Variants in GRK3 observed in about 807,000 individuals in gnomAD.
The protein encoded by GRK3 is adrenergic, beta, receptor kinase 2.
In GRK3, 54 loss-of-function variants were observed where a neutral mutation model predicts 95.7. That is an observed-to-expected ratio of 0.56 (90% CI 0.45 to 0.71). GRK3 has a LOEUF of 0.71. Among genes scored for constraint, GRK3 ranks in the 30% least tolerant of loss-of-function variants. The pLI, the probability that GRK3 is intolerant of heterozygous loss-of-function variation, is 0.00. For synonymous variants in GRK3, 281 were observed against 290.8 expected, an observed-to-expected ratio of 0.97 and a Z score of 0.34; for missense variants, 649 against 851.2, an observed-to-expected ratio of 0.76 and a Z score of 2.96.
At chr22:25,587,489 C>T (rs139957622) in intron 1 of GRK3, among the ~76,000 whole-genome samples, 3,654 of 152,140 alleles carry the variant, frequency 0.024, 152 homozygotes, top group African/African-American at 0.082. Flanking sequence ...AGTGCAGTGG[C>T]GCGATCTTGG....
chr22:25,685,293 A>G (rs1387239687), intron 10 of GRK3, 45 bp downstream of exon 10: 2 of 1,424,498 alleles, frequency 1.4e-6, no homozygotes, highest in Admixed American at 1.7e-5. Flanking sequence ...AGACTTTGCC[A>G]TGATGTTAAA....
Position 25,665,921 on chromosome 22 carries a change from G to C in GRK3, c.442-1818G>C, listed in dbSNP as rs569789986. ...GGTGGCGGGCTTGGGAGGGGCCCTA[G>C]CTTGTGCTTGAGTGCTTCTAAAATG... is the stretch of plus-strand genomic sequence containing the variant. On this transcript the variant is annotated intron_variant, in intron 5 of 20. Transcript: ENST00000324198. Among the ~76,000 whole-genome samples, 4 of 152,308 alleles carry C rather than the reference G, an allele frequency of 2.6e-5. No individual in the cohort carries two copies. The South Asian group carries it at 8.3e-4, about 32-fold the overall frequency.
intron 1 of GRK3, among the ~76,000 whole-genome samples, chr22:25,570,283 T>C (rs1380079555): frequency 6.6e-6 from 1 of 152,184 alleles, no homozygotes; most frequent in Non-Finnish European, 1.5e-5. Context: ...CTGGTGTTAA[T>C]GAGAAATTGT....
At chr22:25,685,078 A>G (rs1376397033) in intron 9 of GRK3, 92 bp from the exon 10 acceptor site, 2 of 822,450 alleles carry the variant, frequency 2.4e-6, no homozygotes, top group East Asian at 2.5e-5. Context: ...AAAATAAAGT[A>G]ATTTTAAAAA....
At chr22:25,595,849 A>G (rs186630228) in intron 1 of GRK3, among the ~76,000 whole-genome samples, 64 of 152,206 alleles carry the variant, frequency 4.2e-4, no homozygotes, top group African/African-American at 1.4e-3. Context: ...CAGGAGGCTG[A>G]GGTGGGAGGA....
chr22:25,650,298 C>T (rs1422613724), intron 3 of GRK3, among the ~76,000 whole-genome samples: 1 of 152,138 alleles, frequency 6.6e-6, no homozygotes, highest in Admixed American at 6.5e-5. Context: ...GCCTTGGCCT[C>T]CCAAAGGCAT....
chr22:25,612,048 G>A (rs760631274), intron 2 of GRK3, among the ~76,000 whole-genome samples: 3 of 151,956 alleles, frequency 2.0e-5, no homozygotes, highest in Non-Finnish European at 4.4e-5. Context: ...GCCCAGGCTG[G>A]TCACGATCTC....
Position 25,722,435 on chromosome 22 carries a change from CA to C in GRK3, c.2053del (p.Ser685AlafsTer25). The C allele has an allele frequency of 6.2e-7, 1 of 1,614,110 alleles. No homozygotes were observed. The highest frequency in any genetic ancestry group is 8.5e-7 in the Non-Finnish European group (1 of 1,180,004). ...LPKPSLCHRN[S>X]NGL ...CAAAGCCATCCCTCTGTCACAGAAA[CA>C]GCAACGGCCTCTAGCACCCAGAAAC... On this transcript the variant is annotated frameshift_variant, in exon 21 of 21. Coordinates refer to ENST00000324198, the MANE Select transcript of GRK3 (RefSeq NM_005160.4). LOFTEE classifies it high-confidence loss of function.
chr22:25,676,018 G>A (rs1224570849), intron 8 of GRK3, among the ~76,000 whole-genome samples: 1 of 152,192 alleles, frequency 6.6e-6, no homozygotes, highest in Non-Finnish European at 1.5e-5. Context: ...CCATCTCCTG[G>A]TCTATAAAGT....
At position 25,718,488 on chromosome 22, in the gene GRK3, A is replaced by G. The variant is rs985095709; in HGVS notation, c.1791+107A>G. The G allele has an allele frequency of 4.7e-6, 6 of 1,275,322 alleles. No individual in the cohort carries two copies. In the Admixed American group the frequency reaches 8.5e-5, roughly 18 times the overall value. The allele number at this position is 1,275,322 out of a possible 1,614,324, so 79.0% of individuals were successfully genotyped here. On this transcript the variant is annotated intron_variant, in intron 19 of 20. Transcript: ENST00000324198. Reference sequence around the variant, plus strand: ...ATACACTATCCTCCGAAACTCTGTGATTCTATTTTACTGCTCTACATGAGA... The same window carrying G: ...ATACACTATCCTCCGAAACTCTGTGGTTCTATTTTACTGCTCTACATGAGA...
intron 8 of GRK3, among the ~76,000 whole-genome samples, chr22:25,676,975 T>C (rs1411239458): frequency 6.6e-6 from 1 of 152,156 alleles, no homozygotes; most frequent in East Asian, 1.9e-4. Context: ...AGGTAGCTCT[T>C]TGATACCTTC....
intron 15 of GRK3, among the ~76,000 whole-genome samples, chr22:25,707,961 G>A (rs1050849686): frequency 3.9e-5 from 6 of 152,114 alleles, no homozygotes; most frequent in African/African-American, 1.2e-4. Context: ...ACCCCGGCCA[G>A]GCGCAGTGGC....
chr22:25,604,496 T>G, intron 2 of GRK3, 43 bp downstream of exon 2: 1 of 1,414,210 alleles, frequency 7.1e-7, no homozygotes, highest in South Asian at 1.2e-5. Context: ...ATTTTAGTGA[T>G]GAAATTGGGC....
intron 15 of GRK3, 58 bp downstream of exon 15, chr22:25,704,267 A>G: frequency 7.7e-7 from 1 of 1,304,816 alleles, no homozygotes; most frequent in Non-Finnish European, 1.1e-6. Context: ...TAGTGATTTT[A>G]AATACTGTCT....
intron 2 of GRK3, among the ~76,000 whole-genome samples, chr22:25,631,866 G>T (rs928663600): frequency 6.6e-6 from 1 of 152,220 alleles, no homozygotes; most frequent in African/African-American, 2.4e-5. Context: ...CTTTTATTTA[G>T]CATGATGTGT....
chr22:25,722,250 T>A lies in GRK3; in HGVS notation c.1906-39T>A, dbSNP rs1317377281. ...CAGCCTCCGCTGTTGGCAAAATGGG[T>A]GAGCCTGTCACAACGGCTGCCTTTG... On this transcript the variant is annotated intron_variant, in intron 20 of 20. Coordinates refer to ENST00000324198, the MANE Select transcript of GRK3 (RefSeq NM_005160.4). 1.9e-6 allele frequency: 3 copies of A among 1,605,636 alleles called. No individual in the cohort carries two copies. The African/African-American group carries it at 4.0e-5, about 21-fold the overall frequency.
At chr22:25,637,835 G>C (rs936057538) in intron 2 of GRK3, among the ~76,000 whole-genome samples, 3 of 152,166 alleles carry the variant, frequency 2.0e-5, no homozygotes, top group African/African-American at 7.2e-5. Flanking sequence ...GAGCTGGCAG[G>C]CTCGAGATCC....
intron 2 of GRK3, among the ~76,000 whole-genome samples, chr22:25,621,462 G>A (rs2084585589): frequency 5.3e-5 from 8 of 151,550 alleles, no homozygotes; most frequent in Admixed American, 5.3e-4. Context: ...TTGATTCACA[G>A]GAATAGGCAG....
chr22:25,621,396 T>G lies in GRK3; in HGVS notation c.190+16943T>G, dbSNP rs2084585225. 2.0e-5 allele frequency among the ~76,000 whole-genome samples: 3 copies of G among 152,370 alleles called. No individual in the cohort carries two copies. The South Asian group carries it at 6.2e-4, about 32-fold the overall frequency. On this transcript the variant is annotated intron_variant, in intron 2 of 20. Coordinates refer to ENST00000324198, the MANE Select transcript of GRK3 (RefSeq NM_005160.4). The stretch of plus-strand genomic sequence containing the variant: ...CCCAGAACTAGTATATTGATTCACA[T>G]GTTTACGTTACCCATCCCTATTTTT...
Sources: gnomAD v4.1 joint callset for allele counts (sites outside exome capture counted in the v4.1 genomes callset) on GRCh38, gnomAD v4.1.1 for gene constraint, MANE v1.5 for transcripts, NCBI Gene and HGNC (gene_info 2026-07-23, HGNC 2026-07-21) for gene names.